The following PRMT7 variants were observed in gnomAD, a reference collection of about 807,000 sequenced individuals.
The protein encoded by PRMT7 is protein arginine N-methyltransferase 7.
In PRMT7, 75 loss-of-function variants were observed where a neutral mutation model predicts 85.4. The observed-to-expected ratio is 0.88, with a 90% CI of 0.73 to 1.06. PRMT7 has a LOEUF of 1.06. Among genes scored for constraint, PRMT7 ranks in the 50% least tolerant of loss-of-function variants. The pLI, the probability that PRMT7 is intolerant of heterozygous loss-of-function variation, is 0.00. For synonymous variants in PRMT7, 397 were observed against 359.5 expected, an observed-to-expected ratio of 1.10 and a Z score of -1.18; for missense variants, 868 against 915.2, an observed-to-expected ratio of 0.95 and a Z score of 0.67.
intron 4 of PRMT7, chr16:68,322,350 A>T (rs1355533204): frequency 2.3e-6 from 1 of 442,784 alleles, no homozygotes; most frequent in East Asian, 7.4e-5. Context: ...CAGGCATGCC[A>T]CCATGCCTGG....
At chr16:68,311,470 TTCA>T in intron 1 of PRMT7, 1 of 186,862 alleles carries the variant, frequency 5.4e-6, no homozygotes, top group East Asian at 1.8e-4. Flanking sequence ...GAGTCGTGTA[TTCA>T]CTACACGCCA....
At chr16:68,349,616 C>A (rs4783621) in intron 14 of PRMT7, among the ~76,000 whole-genome samples, 84,352 of 151,962 alleles carry the variant, frequency 0.56, 23,780 homozygotes, top group East Asian at 0.79. Flanking sequence ...TTTCCAGGCC[C>A]GACATGGTGG....
chr16:68,359,531 T>C (rs2089107339), downstream of PRMT7: 1 of 152,750 alleles, frequency 6.5e-6, no homozygotes, highest in Admixed American at 6.5e-5. Flanking sequence ...GGGCCAGGCA[T>C]CTGGCTGGCT....
In PRMT7 at chr16:68,348,339, A is replaced by G. The variant is rs1367481700; in HGVS notation, c.1324-3A>G. On this transcript the variant is annotated splice_polypyrimidine_tract_variant and splice_region_variant and intron_variant, in intron 13 of 18. Transcript: ENST00000441236. Reference sequence around the variant, plus strand: ...ACAGTAATTTTACGGTTTTCTTTCTAAGATCTTCAAGGCTAACCACTTGGA... The same window carrying G: ...ACAGTAATTTTACGGTTTTCTTTCTGAGATCTTCAAGGCTAACCACTTGGA... The G allele has an allele frequency of 1.8e-5, 29 of 1,591,650 alleles. No homozygotes were observed. The highest frequency in any genetic ancestry group is 3.4e-5 in the Admixed American group (2 of 59,468).
At chr16:68,313,070 C>T (rs2044159058) in intron 2 of PRMT7, among the ~76,000 whole-genome samples, 1 of 152,212 alleles carries the variant, frequency 6.6e-6, no homozygotes, top group South Asian at 2.1e-4. Flanking sequence ...GGTGATCCAC[C>T]TGCTTTGGTC....
chr16:68,339,650 A>C, intron 8 of PRMT7, 87 bp downstream of exon 8: 2 of 1,592,000 alleles, frequency 1.3e-6, no homozygotes, highest in Non-Finnish European at 1.7e-6. Flanking sequence ...TGGGAAGGAA[A>C]TCTAGCTGCT....
chr16:68,346,096 C>G, intron 10 of PRMT7, 49 bp from the exon 11 acceptor site: 3 of 1,607,960 alleles, frequency 1.9e-6, no homozygotes, highest in African/African-American at 1.3e-5. Context: ...CTCTGGAGAC[C>G]TGTGGAGGCG....
intron 3 of PRMT7, among the ~76,000 whole-genome samples, chr16:68,317,959 G>GGA (rs2082069688): frequency 6.6e-6 from 1 of 152,094 alleles, no homozygotes; most frequent in African/African-American, 2.4e-5. Context: ...AAGCATACGC[G>GGA]GGGTCATTTT....
Position 68,339,469 on chromosome 16 carries a change from A to C in PRMT7, c.652A>C (p.Ser218Arg), listed in dbSNP as rs772736809. The stretch of plus-strand genomic sequence containing the variant: ...CATCGTCCCTCCCGTTGACGTGGAG[A>C]GCTGCCCTGGCGCACCCTCTGTCTG... ...QVIVPPVDVESCPGAPSVCDI... is the reference protein window; with the variant it reads ...QVIVPPVDVERCPGAPSVCDI... Residue 218 changes from serine to arginine, a missense_variant, in exon 8 of 19, where the codon AGC becomes CGC. Coordinates refer to ENST00000441236, the MANE Select transcript of PRMT7 (RefSeq NM_019023.5). The C allele has an allele frequency of 6.2e-7, 1 of 1,614,174 alleles. No individual in the cohort carries two copies. The highest frequency in any genetic ancestry group is 1.1e-5 in the South Asian group (1 of 91,082).
chr16:68,349,319 CAT>C (rs147268324), intron 14 of PRMT7, among the ~76,000 whole-genome samples: 17,564 of 152,088 alleles, frequency 0.12, 1,091 homozygotes, highest in African/African-American at 0.16. Context: ...CGTTCCTTCT[CAT>C]GTGTGAATCA....
At chr16:68,324,972 A>G in intron 5 of PRMT7, 140 bp downstream of exon 5, 1 of 1,090,604 alleles carries the variant, frequency 9.2e-7, no homozygotes, top group Non-Finnish European at 1.3e-6. Flanking sequence ...CTCTGAGCGT[A>G]TAGAGATGAG....
At position 68,357,328 on chromosome 16, in the gene PRMT7, C is replaced by T. The variant is rs184645714; in HGVS notation, c.*104C>T. ...CCTCCTCTCCTCTCTGGGAGCTGCT[C>T]GGCCTCAGGGATGGGAAAGACTGCG... On this transcript the variant is annotated 3_prime_UTR_variant, in exon 19 of 19. Transcript: ENST00000441236. The T allele has an allele frequency of 4.3e-5, 55 of 1,275,296 alleles. No individual in the cohort carries two copies. In the East Asian group the frequency reaches 6.1e-4, roughly 14 times the overall value. The allele number at this position is 1,275,296 out of a possible 1,614,324, so 79.0% of individuals were successfully genotyped here.
In PRMT7 at chr16:68,357,313, TCTCTGGGAGCTGCTCGGC is replaced by T; in HGVS notation, c.*93_*110del. ...GGGAAGGCTGAAGGCCCTCCTCTCC[TCTCTGGGAGCTGCTCGGC>T]CTCAGGGATGGGAAAGACTGCGCCG... On this transcript the variant is annotated 3_prime_UTR_variant, in exon 19 of 19. Transcript: ENST00000441236. The T allele has an allele frequency of 7.3e-7, 1 of 1,375,916 alleles. No homozygotes were observed. Among genetic ancestry groups the T allele is most frequent in the Non-Finnish European group, 9.9e-7 (1 of 1,008,510 alleles). The allele number at this position is 1,375,916 out of a possible 1,614,324, so 85.2% of individuals were successfully genotyped here. A position where few individuals can be genotyped will look rare whatever the true frequency, so the allele number is the denominator to read the frequency against.
At chr16:68,323,221 C>CTTTT (rs201213218) in intron 4 of PRMT7, among the ~76,000 whole-genome samples, 2 of 142,832 alleles carry the variant, frequency 1.4e-5, no homozygotes, top group African/African-American at 2.6e-5. Context: ...TTCTTTCTTT[C>CTTTT]TTTTTTTTTT....
intron 9 of PRMT7, among the ~76,000 whole-genome samples, chr16:68,343,941 T>C (rs1218183468): frequency 1.3e-5 from 2 of 152,172 alleles, no homozygotes; most frequent in Admixed American, 1.3e-4. Flanking sequence ...GAGCAGGCAG[T>C]CGTCTCATCA....
chr16:68,327,102 A>G (rs771791291), intron 5 of PRMT7, among the ~76,000 whole-genome samples: 2 of 152,210 alleles, frequency 1.3e-5, no homozygotes, highest in East Asian at 1.9e-4. Flanking sequence ...GCGCTAATCA[A>G]TTGCACAACT....
At chr16:68,324,984 C>A in intron 5 of PRMT7, 152 bp downstream of exon 5, 1 of 935,142 alleles carries the variant, frequency 1.1e-6, no homozygotes, top group Non-Finnish European at 1.6e-6. Flanking sequence ...AGAGATGAGT[C>A]AGACACAGTT....
intron 6 of PRMT7, among the ~76,000 whole-genome samples, chr16:68,335,820 A>G (rs2084602963): frequency 7.0e-6 from 1 of 143,738 alleles, no homozygotes; most frequent in Non-Finnish European, 1.5e-5. Context: ...ACTCTGGCCC[A>G]GATTAGAGTG....
At chr16:68,353,232 T>G (rs1169834530) in intron 15 of PRMT7, among the ~76,000 whole-genome samples, 1 of 151,824 alleles carries the variant, frequency 6.6e-6, no homozygotes, top group Admixed American at 6.6e-5. Context: ...CGGATAGGAG[T>G]GTGCAGCCCC....
Sources: allele counts gnomAD v4.1 joint callset (sites outside exome capture counted in the v4.1 genomes callset), GRCh38; gene constraint gnomAD v4.1.1; transcripts MANE v1.5; gene names NCBI Gene and HGNC (gene_info 2026-07-23, HGNC 2026-07-21).